CRISP2: variants seen among roughly 807,000 people sequenced by gnomAD.
CRISP2 encodes cysteine rich secretory protein 2, also known as cysteine-rich secretory protein 2.
Under a neutral mutation model 31.7 loss-of-function variants are expected in CRISP2, and 29 were observed. That is an observed-to-expected ratio of 0.92 (90% CI 0.68 to 1.25). CRISP2 has a LOEUF of 1.25. CRISP2 is among the 50% of genes most tolerant of loss of function. The pLI is 0.00. For missense variants in CRISP2, 318 were observed against 286.5 expected (o/e 1.11, Z -0.79); for synonymous variants, 111 against 101.4 (o/e 1.09, Z -0.57).
intron 6 of CRISP2, 142 bp from the exon 7 acceptor site, chr6:49,698,649 G>C (rs1218470411): frequency 1.2e-6 from 1 of 824,946 alleles, no homozygotes; most frequent in African/African-American, 1.7e-5. Flanking sequence ...GAGTGCCTCA[G>C]TTCCTTATCA....
intron 4 of CRISP2, among the ~76,000 whole-genome samples, chr6:49,701,741 C>CG (rs1330337070): frequency 3.6e-5 from 3 of 83,480 alleles, no homozygotes; most frequent in Non-Finnish European, 6.6e-5. Context: ...TATATATACA[C>CG]GGTATATATA....
chr6:49,696,613 TAAAGA>T (rs1764812012), intron 8 of CRISP2, among the ~76,000 whole-genome samples: 1 of 151,436 alleles, frequency 6.6e-6, no homozygotes, highest in African/African-American at 2.4e-5. Flanking sequence ...AAAAAAAGAT[TAAAGA>T]AAAGTTTTGA....
intron 4 of CRISP2, among the ~76,000 whole-genome samples, chr6:49,704,035 G>A (rs1766565452): frequency 6.6e-6 from 1 of 152,034 alleles, no homozygotes; most frequent in Non-Finnish European, 1.5e-5. Flanking sequence ...ACTTCTTGGA[G>A]GCTTTGTTCA....
Position 49,699,825 on chromosome 6 carries a change from C to T in CRISP2, c.250G>A (p.Asp84Asn), listed in dbSNP as rs1472089090. Residue 84 changes from aspartate (D) to asparagine (N), a missense_variant, in exon 6 of 10, where the codon GAT becomes AAT. By Grantham distance (23) the Asp-to-Asn change is conservative (BLOSUM62 1). Coordinates refer to ENST00000339139, the MANE Select transcript of CRISP2 (RefSeq NM_003296.4). ...WANKCTLQHS[D>N]PEDRKTSTRC... ...ATACTGGTTTTGCGGTCCTCTGGATCACTATGTTGTAAAGTGCACTTGTTT... is the reference window on the plus strand; with the variant it reads ...ATACTGGTTTTGCGGTCCTCTGGATTACTATGTTGTAAAGTGCACTTGTTT... 3 of 1,611,682 alleles carry T rather than the reference C, an allele frequency of 1.9e-6. No homozygotes were observed. Among genetic ancestry groups the T allele is most frequent in the Admixed American group, 1.7e-5 (1 of 59,830 alleles).
chr6:49,700,316 G>A (rs189960420), intron 5 of CRISP2, among the ~76,000 whole-genome samples: 9 of 152,116 alleles, frequency 5.9e-5, no homozygotes, highest in Non-Finnish European at 1.0e-4. Flanking sequence ...TGTGCCCTGG[G>A]AAGTGGGCTT....
chr6:49,697,965 T>C lies in CRISP2; in HGVS notation c.418-8A>G, dbSNP rs752463275. The C allele has an allele frequency of 2.5e-6, 4 of 1,569,616 alleles. No individual in the cohort carries two copies. In the Admixed American group the frequency reaches 7.7e-5, roughly 30 times the overall value. On this transcript the variant is annotated splice_region_variant and splice_polypyrimidine_tract_variant and intron_variant, in intron 7 of 9. Coordinates refer to ENST00000339139, the MANE Select transcript of CRISP2 (RefSeq NM_003296.4). ...AGTCGAGTACCAAACAAGCTGCAAA[T>C]TAACAATGGAATAAATATATAAAAG...
intron 4 of CRISP2, among the ~76,000 whole-genome samples, chr6:49,701,485 CGTGTGT>C (rs148496285): frequency 3.1e-4 from 25 of 81,510 alleles, no homozygotes; most frequent in African/African-American, 1.1e-3. Context: ...AGCAGTATTA[CGTGTGT>C]GTGTGTGTGT....
At chr6:49,690,007 T>C (rs1763998472), downstream of CRISP2, among the ~76,000 whole-genome samples, 1 of 152,178 alleles carries the variant, frequency 6.6e-6, no homozygotes, top group Non-Finnish European at 1.5e-5. Context: ...TTATTGGAAT[T>C]AATAAATATC....
At chr6:49,679,404 T>C in the CRISP2 span, among the ~76,000 whole-genome samples, 1 of 152,166 alleles carries the variant, frequency 6.6e-6, no homozygotes, top group Non-Finnish European at 1.5e-5. Flanking sequence ...CTTTTTATCA[T>C]GACAAGTTAT....
chr6:49,713,453 T>G (rs1488453880), intron 1 of CRISP2, 22 bp downstream of exon 1: 1 of 152,352 alleles, frequency 6.6e-6, no homozygotes, highest in Non-Finnish European at 1.5e-5. Flanking sequence ...TAGCCATTTC[T>G]AGTCTCCAAT....
At chr6:49,712,073 C>T (rs1010829827) in intron 2 of CRISP2, among the ~76,000 whole-genome samples, 6 of 152,126 alleles carry the variant, frequency 3.9e-5, no homozygotes, top group African/African-American at 1.4e-4. Flanking sequence ...TAGGAAAATA[C>T]AATCAGTATA....
the CRISP2 span, among the ~76,000 whole-genome samples, chr6:49,682,977 G>A: frequency 6.6e-6 from 1 of 151,694 alleles, no homozygotes; most frequent in Non-Finnish European, 1.5e-5. Flanking sequence ...TGGCCAACAT[G>A]GCGAAACCCC....
At chr6:49,684,304 C>G in the CRISP2 span, among the ~76,000 whole-genome samples, 1 of 152,128 alleles carries the variant, frequency 6.6e-6, no homozygotes, top group African/African-American at 2.4e-5. Context: ...GCTTATAATA[C>G]CAGATACAAT....
chr6:49,696,272 A>T (rs1341872909), intron 8 of CRISP2, among the ~76,000 whole-genome samples: 5 of 152,146 alleles, frequency 3.3e-5, no homozygotes, highest in Admixed American at 3.3e-4. Flanking sequence ...TTAGGGGTAA[A>T]ACATCCTGTA....
chr6:49,709,101 C>T (rs767766004), intron 4 of CRISP2, 30 bp downstream of exon 4: 2 of 1,599,498 alleles, frequency 1.3e-6, no homozygotes, highest in Middle Eastern at 1.7e-4. Flanking sequence ...TGCTGGATAG[C>T]TCTGAAAAGA....
the CRISP2 span, among the ~76,000 whole-genome samples, chr6:49,678,985 C>T: frequency 6.6e-6 from 1 of 152,274 alleles, no homozygotes; most frequent in East Asian, 1.9e-4. Flanking sequence ...CTCCCTATCA[C>T]TATACTTCAG....
At position 49,695,835 on chromosome 6, in the gene CRISP2, C is replaced by G. The variant is rs1764643126; in HGVS notation, c.604+1G>C. The G allele has an allele frequency of 6.2e-7, 1 of 1,600,296 alleles. No homozygotes were observed. The highest frequency in any genetic ancestry group is 1.1e-5 in the South Asian group (1 of 89,260). ...TAGCAAGCTAATCACTTCAAACTTA[C>G]TGCATAGTCCTTTGTCACAGTCATC... On this transcript the variant is annotated splice_donor_variant, in intron 9 of 9. Coordinates refer to ENST00000339139, the MANE Select transcript of CRISP2 (RefSeq NM_003296.4). LOFTEE classifies it high-confidence loss of function.
chr6:49,702,207 A>G (rs1465988684), intron 4 of CRISP2, among the ~76,000 whole-genome samples: 3 of 128,088 alleles, frequency 2.3e-5, no homozygotes, highest in African/African-American at 8.6e-5. Flanking sequence ...CCACTCATTG[A>G]TTAATGGGCA....
intron 3 of CRISP2, among the ~76,000 whole-genome samples, chr6:49,709,882 C>T (rs145186999): frequency 1.2e-4 from 19 of 152,234 alleles, no homozygotes; most frequent in East Asian, 9.6e-4. Flanking sequence ...AAGATTGTTT[C>T]GTATTTTCAT....
Sources: allele counts gnomAD v4.1 joint callset (sites outside exome capture counted in the v4.1 genomes callset), GRCh38; gene constraint gnomAD v4.1.1; transcripts MANE v1.5; gene names NCBI Gene and HGNC (gene_info 2026-07-23, HGNC 2026-07-21).